TTF1: variants seen among roughly 807,000 people sequenced by gnomAD.
TTF1 encodes the protein transcription termination factor, RNA polymerase I.
TTF1 carries 64 observed loss-of-function variants against 80.2 expected under a neutral mutation model. The ratio of observed to expected loss-of-function variants is 0.80; its 90% CI spans 0.65 to 0.98. The LOEUF (loss-of-function observed/expected upper bound fraction) is 0.98, where lower values mean the gene tolerates loss of function less well. Among genes scored for constraint, TTF1 ranks in the 50% least tolerant of loss-of-function variants. The probability of loss-of-function intolerance (pLI) is 0.00; values close to 1 mark genes in which losing one functional copy is unlikely to be tolerated. For synonymous variants in TTF1, 372 were observed against 382.7 expected (o/e 0.97, Z 0.33); for missense variants, 1,023 against 1,086.2 (o/e 0.94, Z 0.82).
chr9:132,395,874 C>T (rs1023222468), intron 5 of TTF1, among the ~76,000 whole-genome samples: 2 of 152,172 alleles, frequency 1.3e-5, no homozygotes, highest in Non-Finnish European at 2.9e-5. Context: ...CTAACCCAAA[C>T]GCTCGGTCTA....
At position 132,402,271 on chromosome 9, in the gene TTF1, C is replaced by G. The variant is rs760969456; in HGVS notation, c.551G>C (p.Arg184Thr). The change falls in exon 2 of 11, where the codon AGG becomes ACG. Residue 184 changes from arginine to threonine, a missense_variant. Physicochemically the swap from Arg to Thr is moderately conservative, Grantham distance 71. Coordinates refer to ENST00000334270, the MANE Select transcript of TTF1 (RefSeq NM_007344.4). ...KAASWESQRARDTLPQSESHQ... is the reference protein window; with the variant it reads ...KAASWESQRATDTLPQSESHQ... ...GGATTCTGACTGAGGCAGGGTGTCC[C>G]TTGCCCGCTGGCTCTCCCAGGATGC... The G allele has an allele frequency of 2.5e-6, 4 of 1,614,080 alleles. No homozygotes were observed. The highest frequency in any genetic ancestry group is 3.4e-6 in the Non-Finnish European group (4 of 1,179,978).
At chr9:132,377,399 GTGCATGTGGTGTGTGTGAGTGCA>G (rs1564181008) in intron 10 of TTF1, among the ~76,000 whole-genome samples, 11 of 135,200 alleles carry the variant, frequency 8.1e-5, no homozygotes, top group Admixed American at 1.4e-4. Flanking sequence ...TGTGGTGTGA[GTGCATGTGGTGTGTGTGAGTGCA>G]TGCATGTGGT....
intron 5 of TTF1, among the ~76,000 whole-genome samples, chr9:132,395,081 A>G (rs1849623494): frequency 1.3e-5 from 2 of 150,096 alleles, no homozygotes; most frequent in South Asian, 4.2e-4. Context: ...AGTCCCAGCT[A>G]CCCGGGAGGC....
chr9:132,405,025 A>G (rs950105795), intron 1 of TTF1, among the ~76,000 whole-genome samples: 64 of 150,824 alleles, frequency 4.2e-4, no homozygotes, highest in African/African-American at 1.6e-3. Context: ...AGCTGGGACT[A>G]CAGGTGCCCG....
chr9:132,406,803 C>G lies in TTF1; in HGVS notation c.-21G>C, dbSNP rs1849877666. The G allele has an allele frequency of 6.6e-6, 1 of 152,174 alleles. No individual in the cohort carries two copies. The highest frequency in any genetic ancestry group is 6.5e-5 in the Admixed American group (1 of 15,284). The allele number at this position is 152,174 out of a possible 1,614,324, so 9.4% of individuals were successfully genotyped here. Reference sequence around the variant, plus strand: ...CTTTCAACTTACCCTCCGAAAGCGCCGCCACCTTTCTCCCAACCCGGAAGT... The same window carrying G: ...CTTTCAACTTACCCTCCGAAAGCGCGGCCACCTTTCTCCCAACCCGGAAGT... On this transcript the variant is annotated 5_prime_UTR_variant, in exon 1 of 11. Transcript: ENST00000334270.
chr9:132,402,244 T>C lies in TTF1; in HGVS notation c.578A>G (p.His193Arg), dbSNP rs1364831061. 1.9e-6 allele frequency: 3 copies of C among 1,614,072 alleles called. No individual in the cohort carries two copies. Among genetic ancestry groups the C allele is most frequent in the Non-Finnish European group, 2.5e-6 (3 of 1,180,046 alleles). ...ARDTLPQSES[H>R]QEESWLSVGP... is the part of the protein sequence containing the mutation. ...CACAGAAAGCCAGGACTCCTCCTGGTGGGATTCTGACTGAGGCAGGGTGTC... is the reference window on the plus strand; with the variant it reads ...CACAGAAAGCCAGGACTCCTCCTGGCGGGATTCTGACTGAGGCAGGGTGTC... Residue 193 changes from histidine to arginine, a missense_variant, in exon 2 of 11, where the codon CAC becomes CGC. Transcript: ENST00000334270.
intron 10 of TTF1, among the ~76,000 whole-genome samples, chr9:132,377,863 TGA>T (rs1849252703): frequency 7.9e-6 from 1 of 126,448 alleles, no homozygotes; most frequent in African/African-American, 3.2e-5. Context: ...GCATGTGGTG[TGA>T]GTGCATGCAT....
At chr9:132,398,546 A>C (rs1849700491) in intron 3 of TTF1, among the ~76,000 whole-genome samples, 1 of 152,164 alleles carries the variant, frequency 6.6e-6, no homozygotes, top group Admixed American at 6.5e-5. Context: ...TCCTATTCCA[A>C]AGTGACCTTT....
At chr9:132,406,752 T>C (rs1849876185) in intron 1 of TTF1, 38 bp downstream of exon 1, 1 of 152,056 alleles carries the variant, frequency 6.6e-6, no homozygotes, top group South Asian at 2.1e-4. Context: ...ACGCGCGCAT[T>C]TTGAAAAACA....
At chr9:132,378,167 G>GGT (rs1165492204) in intron 10 of TTF1, among the ~76,000 whole-genome samples, 1 of 132,742 alleles carries the variant, frequency 7.5e-6, no homozygotes, top group Non-Finnish European at 1.6e-5. Context: ...GAGTGCATGT[G>GGT]GTGTGTGTGA....
chr9:132,387,978 T>G (rs904205634), intron 8 of TTF1, among the ~76,000 whole-genome samples, 161 bp downstream of exon 8: 4 of 152,234 alleles, frequency 2.6e-5, no homozygotes, highest in African/African-American at 9.6e-5. Flanking sequence ...ATGAGTAAAC[T>G]GAGACTTAGA....
At position 132,392,179 on chromosome 9, in the gene TTF1, T is replaced by C; in HGVS notation, c.1884A>G (p.Leu628=). The C allele has an allele frequency of 6.2e-7, 1 of 1,614,210 alleles. No individual in the cohort carries two copies. The highest frequency in any genetic ancestry group is 8.5e-7 in the Non-Finnish European group (1 of 1,180,038). The change falls in exon 6 of 11, where the codon TTA becomes TTG. Residue 628 remains leucine (L), a synonymous_variant. Transcript: ENST00000334270. ...TCCCAAGGAGAGAATGGTACATCTT[T>C]AACTTCTCAGTATCTCCTTCGCTAT... The part of the protein sequence containing the change: ...GRYSEGDTEK[L]KMYHSLLGND...
intron 4 of TTF1, 127 bp from the exon 5 acceptor site, chr9:132,396,638 T>C (rs1233082238): frequency 6.7e-6 from 5 of 741,552 alleles, no homozygotes; most frequent in Non-Finnish European, 1.2e-5. Context: ...TGGGATTTCC[T>C]ACGTCCTGAA....
At position 132,392,098 on chromosome 9, in the gene TTF1, G is replaced by T. The variant is rs201285903; in HGVS notation, c.1965C>A (p.Leu655=). 1 of 1,614,078 alleles carries T rather than the reference G, an allele frequency of 6.2e-7. No individual in the cohort carries two copies. The highest frequency in any genetic ancestry group is 1.7e-5 in the Admixed American group (1 of 60,018). The change falls in exon 6 of 11, where the codon CTC becomes CTA. Residue 655 remains leucine, a synonymous_variant. Transcript: ENST00000334270. ...TACGACTGCTGATCTGTGAGAACTT[G>T]AGGGCCACGGAGAGGCTACTTCGGG... The part of the protein sequence containing the change: ...MVARSSLSVA[L]KFSQISSQRN...
At chr9:132,387,881 G>A (rs1402789089) in intron 8 of TTF1, among the ~76,000 whole-genome samples, 2 of 152,232 alleles carry the variant, frequency 1.3e-5, no homozygotes, top group African/African-American at 2.4e-5. Context: ...GGAGTATACA[G>A]TATGTTTCAC....
rs1257892532 is a variant in TTF1 at position 132,399,198 on chromosome 9, C to CA, written c.1591+836dup. On this transcript the variant is annotated intron_variant, in intron 3 of 10. Transcript: ENST00000334270. ...TGGGCTACAGAGCAAGACTCTGTCT[C>CA]AAAAAAAAAAAAAAAAGAAAAAAAA... Among the ~76,000 whole-genome samples, 71 of 48,110 alleles carry CA rather than the reference C, an allele frequency of 1.5e-3. 1 individual carries two copies. Among genetic ancestry groups the CA allele is most frequent in the Middle Eastern group, 9.3e-3 (1 of 108 alleles). The allele number at this position is 48,110 out of a possible 152,430, so 31.6% of individuals were successfully genotyped here. A position where few individuals can be genotyped will look rare whatever the true frequency, so the allele number is the denominator to read the frequency against.
rs1043103322 is a variant in TTF1, at chr9:132,386,433, C to G, written c.2378+123G>C. The G allele has an allele frequency of 1.2e-5, 10 of 861,068 alleles. No individual in the cohort carries two copies. The African/African-American group carries it at 1.6e-4, about 13-fold the overall frequency. 53.3% of individuals were successfully genotyped at this position (861,068 alleles called of 1,614,324 possible). ...CCTAGCAAATACACTGAATTTTAAC[C>G]ACCACTTATACAAAATTCCAAATGC... On this transcript the variant is annotated intron_variant, in intron 9 of 10. Transcript: ENST00000334270.
Position 132,390,663 on chromosome 9 carries a change from C to T in TTF1, c.2156G>A (p.Gly719Asp). The T allele has an allele frequency of 6.2e-7, 1 of 1,614,210 alleles. No individual in the cohort carries two copies. Among genetic ancestry groups the T allele is most frequent in the East Asian group, 2.2e-5 (1 of 44,892 alleles). Residue 719 changes from glycine to aspartate, a missense_variant, in exon 7 of 11, where the codon GGC becomes GAC. Gly to Asp is a moderately conservative substitution (Grantham distance 94). Transcript: ENST00000334270. Reference protein sequence around the residue: ...LSIVREKLYKGISWVEVEAKV... With the variant: ...LSIVREKLYKDISWVEVEAKV... Reference sequence around the variant, plus strand: ...AGCTTCTACTTCTACCCAAGATATGCCCTTGTAGAGTTTTTCCCGAACAAT... The same window carrying T: ...AGCTTCTACTTCTACCCAAGATATGTCCTTGTAGAGTTTTTCCCGAACAAT...
At chr9:132,380,213 G>C (rs57439226) in intron 9 of TTF1, among the ~76,000 whole-genome samples, 2,783 of 152,120 alleles carry the variant, frequency 0.018, 58 homozygotes, top group African/African-American at 0.049. Flanking sequence ...GGGATTACAG[G>C]TGCCCACCAC....
Sources: allele counts gnomAD v4.1 joint callset (sites outside exome capture counted in the v4.1 genomes callset), GRCh38; gene constraint gnomAD v4.1.1; transcripts MANE v1.5; gene names NCBI Gene and HGNC (gene_info 2026-07-23, HGNC 2026-07-21).